AMPH: variants seen among roughly 807,000 people sequenced by gnomAD.
AMPH encodes amphiphysin, also known as amphiphysin (Stiff-Mann syndrome with breast cancer 128kD autoantigen).
In AMPH, 49 loss-of-function variants were observed where a neutral mutation model predicts 99.1. The observed-to-expected ratio is 0.49, with a 90% confidence interval of 0.39 to 0.63. AMPH has a LOEUF of 0.63. AMPH is among the 20% of genes least tolerant of loss of function. The pLI is 0.00. For missense variants in AMPH, 759 were observed against 863.4 expected, an observed-to-expected ratio of 0.88 and a Z score of 1.52; for synonymous variants, 314 against 317.3, an observed-to-expected ratio of 0.99 and a Z score of 0.11.
At chr7:38,524,806 A>G (rs571727984) in intron 2 of AMPH, among the ~76,000 whole-genome samples, 167 of 152,266 alleles carry the variant, frequency 1.1e-3, no homozygotes, top group African/African-American at 3.9e-3. Flanking sequence ...TTTCTTGAAA[A>G]TCTGATGTGG....
chr7:38,414,055 A>T (rs1785294146), intron 17 of AMPH, among the ~76,000 whole-genome samples: 1 of 152,254 alleles, frequency 6.6e-6, no homozygotes, highest in African/African-American at 2.4e-5. Flanking sequence ...CTCCAGATCC[A>T]GAACAGAGCC....
intron 5 of AMPH, among the ~76,000 whole-genome samples, chr7:38,488,524 G>A (rs1385692828): frequency 2.0e-5 from 3 of 150,234 alleles, no homozygotes; most frequent in Non-Finnish European, 3.0e-5. Context: ...CTGTCGGGGG[G>A]TGGGGGGCTA....
chr7:38,406,718 CT>C lies in AMPH; in HGVS notation c.1398+11106del, dbSNP rs1399642434. ...CTCTGAGTTCTCTCTCCTCTCCTCTCTCTCTCCCTTTCCCTCTCTCTCTCTC... is the reference window on the plus strand; with the variant it reads ...CTCTGAGTTCTCTCTCCTCTCCTCTCCTCTCCCTTTCCCTCTCTCTCTCTC... On this transcript the variant is annotated intron_variant, in intron 17 of 20. Transcript: ENST00000356264. Among the ~76,000 whole-genome samples, 66 of 132,458 alleles carry C rather than the reference CT, an allele frequency of 5.0e-4. 2 individuals are homozygous for C. The highest frequency in any genetic ancestry group is 3.8e-3 in the Middle Eastern group (1 of 264). The allele number at this position is 132,458 out of a possible 152,430, so 86.9% of individuals were successfully genotyped here. A position where few individuals can be genotyped will look rare whatever the true frequency, so the allele number is the denominator to read the frequency against.
chr7:38,428,818 T>G (rs1359768091), intron 14 of AMPH: 8 of 473,746 alleles, frequency 1.7e-5, no homozygotes, highest in African/African-American at 4.0e-5. Flanking sequence ...CCTCCTTCCA[T>G]GTCCTTTTCT....
chr7:38,507,200 GT>G (rs199716161), intron 2 of AMPH, among the ~76,000 whole-genome samples: 10 of 150,530 alleles, frequency 6.6e-5, no homozygotes, highest in Admixed American at 6.0e-4. Flanking sequence ...ACACTGCAGA[GT>G]TTTTTTTTAA....
At chr7:38,596,801 C>G (rs1022793910) in intron 1 of AMPH, among the ~76,000 whole-genome samples, 16 of 152,170 alleles carry the variant, frequency 1.1e-4, no homozygotes, top group African/African-American at 3.9e-4. Flanking sequence ...TTCCATCCAC[C>G]ACCTTCAGGC....
intron 2 of AMPH, among the ~76,000 whole-genome samples, chr7:38,534,424 A>G (rs144649855): frequency 0.012 from 1,797 of 152,222 alleles, 32 homozygotes; most frequent in African/African-American, 0.041. Context: ...TGTAATCCCA[A>G]CACTTTGGGA....
intron 2 of AMPH, 90 bp from the exon 3 acceptor site, chr7:38,503,794 C>T: frequency 7.6e-7 from 1 of 1,313,212 alleles, no homozygotes; most frequent in Non-Finnish European, 1.1e-6. Context: ...TTACTATTGC[C>T]AGAAGCTCAT....
chr7:38,436,386 A>C lies in AMPH; in HGVS notation c.1020T>G (p.Asn340Lys). ...CCTCTTTCTTCACCTCAGGGACTTCATTCTGTTAAAGCAAACAACAAAACA... is the reference window on the plus strand; with the variant it reads ...CCTCTTTCTTCACCTCAGGGACTTCCTTCTGTTAAAGCAAACAACAAAACA... ...PEISVTTPSQ[N>K]EVPEVKKEET... Residue 340 changes from asparagine (N) to lysine (K), a missense_variant and splice_region_variant, in exon 12 of 21, where the codon AAT becomes AAG. Asn to Lys is a moderately conservative substitution (Grantham distance 94). This residue lies in a region of AMPH where 554 missense variants were observed against 575.6 expected (regional missense o/e 0.96). Transcript: ENST00000356264. 1.2e-6 allele frequency: 2 copies of C among 1,612,552 alleles called. No homozygotes were observed. Among genetic ancestry groups the C allele is most frequent in the Non-Finnish European group, 8.5e-7 (1 of 1,178,584 alleles).
chr7:38,409,203 AT>A (rs1341069771), intron 17 of AMPH, among the ~76,000 whole-genome samples: 1 of 152,218 alleles, frequency 6.6e-6, no homozygotes, highest in Admixed American at 6.5e-5. Context: ...TACAGCGGGA[AT>A]TCTGGCTGCA....
intron 14 of AMPH, chr7:38,427,968 C>G (rs1027681683): frequency 4.4e-6 from 2 of 456,570 alleles, no homozygotes; most frequent in African/African-American, 4.0e-5. Flanking sequence ...GCTAGCATTC[C>G]AGGAGGTCCC....
chr7:38,398,971 C>T (rs1007671192), intron 17 of AMPH, among the ~76,000 whole-genome samples: 4 of 151,378 alleles, frequency 2.6e-5, no homozygotes, highest in African/African-American at 9.6e-5. Context: ...AATACCTCAG[C>T]CTCAGCACCT....
intron 11 of AMPH, among the ~76,000 whole-genome samples, chr7:38,439,946 G>A (rs1786437926): frequency 6.6e-6 from 1 of 152,120 alleles, no homozygotes; most frequent in South Asian, 2.1e-4. Context: ...TCCCTTACGT[G>A]GGGTTGACCA....
In AMPH at chr7:38,420,915, G is replaced by A. The variant is rs983981160; in HGVS notation, c.1272+1506C>T. ...GATTACCAACTTCACCCCCTACCTC[G>A]CTCAGAATAGTCAATGAGCCAAACA... On this transcript the variant is annotated intron_variant, in intron 16 of 20. Transcript: ENST00000356264. 17 of 455,744 alleles carry A rather than the reference G, an allele frequency of 3.7e-5. No individual in the cohort carries two copies. In the Middle Eastern group the frequency reaches 1.5e-3, roughly 39 times the overall value. 28.2% of individuals were successfully genotyped at this position (455,744 alleles called of 1,614,324 possible).
intron 5 of AMPH, among the ~76,000 whole-genome samples, chr7:38,483,273 C>T (rs1244240531): frequency 1.3e-5 from 2 of 152,034 alleles, no homozygotes; most frequent in African/African-American, 4.8e-5. Context: ...CAGGCACTTG[C>T]CATGGCTCCT....
chr7:38,511,754 T>C (rs1263503375), intron 2 of AMPH, among the ~76,000 whole-genome samples: 3 of 152,244 alleles, frequency 2.0e-5, no homozygotes, highest in Non-Finnish European at 4.4e-5. Context: ...ATAAAAATAC[T>C]TTGTCACTGC....
Position 38,437,659 on chromosome 7 carries a change from T to G in AMPH, c.1018-1271A>C, listed in dbSNP as rs868353221. On this transcript the variant is annotated intron_variant, in intron 11 of 20. Coordinates refer to ENST00000356264, the MANE Select transcript of AMPH (RefSeq NM_001635.4). ...AAAAAAAAAAGAAAAGAAAAATTAG[T>G]TGGGCATGGTGGTGCATGACCGTAG... is the stretch of plus-strand genomic sequence containing the variant. 8.8e-4 allele frequency among the ~76,000 whole-genome samples: 95 copies of G among 108,418 alleles called. No individual in the cohort carries two copies. The Middle Eastern group carries it at 0.038, about 44-fold the overall frequency. The allele number at this position is 108,418 out of a possible 152,430, so 71.1% of individuals were successfully genotyped here. A position where few individuals can be genotyped will look rare whatever the true frequency, so the allele number is the denominator to read the frequency against.
chr7:38,522,882 G>T (rs541106318), intron 2 of AMPH, among the ~76,000 whole-genome samples: 1 of 152,250 alleles, frequency 6.6e-6, no homozygotes, highest in East Asian at 1.9e-4. Flanking sequence ...GCTGAGACAG[G>T]CAGATCACAA....
intron 11 of AMPH, among the ~76,000 whole-genome samples, chr7:38,451,359 CGT>C (rs1787017408): frequency 2.7e-5 from 4 of 147,962 alleles, no homozygotes; most frequent in Admixed American, 1.3e-4. Flanking sequence ...GTTATATACA[CGT>C]ATATATATGT....
Sources: allele counts gnomAD v4.1 joint callset (sites outside exome capture counted in the v4.1 genomes callset), GRCh38; gene constraint gnomAD v4.1.1; regional missense constraint gnomAD v4.1.1; transcripts MANE v1.5; gene names NCBI Gene and HGNC (gene_info 2026-07-23, HGNC 2026-07-21).